The following PLCL2 variants were observed in gnomAD, a reference collection of about 807,000 sequenced individuals.
PLCL2 encodes inactive phospholipase C-like protein 2.
PLCL2 carries 4 observed loss-of-function variants against 79.6 expected under a neutral mutation model. That is an observed-to-expected ratio of 0.05 (90% CI 0.02 to 0.11). The LOEUF (loss-of-function observed/expected upper bound fraction) is 0.11. Among genes scored for constraint, PLCL2 ranks in the 10% least tolerant of loss-of-function variants. PLCL2 has a pLI of 1.00. For synonymous variants in PLCL2, 484 were observed against 457.7 expected (o/e 1.06, Z -0.73); for missense variants, 895 against 1,291.0 (o/e 0.69, Z 4.70).
intron 1 of PLCL2, among the ~76,000 whole-genome samples, chr3:16,925,591 C>T (rs2124938485): frequency 6.6e-6 from 1 of 152,340 alleles, no homozygotes; most frequent in East Asian, 1.9e-4. Flanking sequence ...CTGAATTTGC[C>T]TTCCCTAAAC....
At chr3:17,080,825 A>G (rs893710805) in intron 5 of PLCL2, among the ~76,000 whole-genome samples, 1 of 152,196 alleles carries the variant, frequency 6.6e-6, no homozygotes, top group Admixed American at 6.5e-5. Flanking sequence ...GCTTTTAATC[A>G]CAGGAAGAGT....
At chr3:17,072,008 G>A (rs2065064920) in intron 5 of PLCL2, among the ~76,000 whole-genome samples, 3 of 152,006 alleles carry the variant, frequency 2.0e-5, no homozygotes, top group African/African-American at 7.3e-5. Flanking sequence ...TGTATGTTTA[G>A]TAGAGACAGG....
intron 2 of PLCL2, 55 bp from the exon 3 acceptor site, chr3:17,014,653 T>A: frequency 1.5e-6 from 2 of 1,324,456 alleles, no homozygotes; most frequent in South Asian, 2.4e-5. Flanking sequence ...ATAATATCCA[T>A]GAGAAAGTAA....
At chr3:16,996,661 G>A (rs1297433484) in intron 1 of PLCL2, among the ~76,000 whole-genome samples, 4 of 151,632 alleles carry the variant, frequency 2.6e-5, no homozygotes, top group Admixed American at 2.0e-4. Flanking sequence ...ATATGGTAGA[G>A]ACCCAATTTA....
At chr3:17,044,590 GCT>G (rs1461980754) in intron 4 of PLCL2, among the ~76,000 whole-genome samples, 1 of 152,260 alleles carries the variant, frequency 6.6e-6, no homozygotes, top group East Asian at 1.9e-4. Context: ...ATATCAAGCT[GCT>G]CTCTGTATCT....
intron 1 of PLCL2, among the ~76,000 whole-genome samples, chr3:16,903,812 C>G (rs1264052480): frequency 1.3e-5 from 2 of 152,328 alleles, no homozygotes; most frequent in Non-Finnish European, 2.9e-5. Context: ...GAAGCAGTTT[C>G]TGGAACATGG....
At chr3:16,910,802 C>T (rs1575524326) in intron 1 of PLCL2, among the ~76,000 whole-genome samples, 1 of 152,050 alleles carries the variant, frequency 6.6e-6, no homozygotes, top group South Asian at 2.1e-4. Context: ...AGCCTTCTTT[C>T]TTAGTTTGAT....
intron 5 of PLCL2, among the ~76,000 whole-genome samples, chr3:17,081,729 GATCCAATCCCAGGTA>G (rs2065164129): frequency 6.6e-6 from 1 of 152,170 alleles, no homozygotes; most frequent in Admixed American, 6.5e-5. Context: ...TCTGGCCTCT[GATCCAATCCCAGGTA>G]AGCCACAGGC....
chr3:16,916,516 A>C (rs1241981988), intron 1 of PLCL2, among the ~76,000 whole-genome samples: 1 of 152,206 alleles, frequency 6.6e-6, no homozygotes, highest in Non-Finnish European at 1.5e-5. Flanking sequence ...ATTTGAGTTC[A>C]ATATTGCCAA....
At chr3:16,924,117 CA>C (rs1227654979) in intron 1 of PLCL2, among the ~76,000 whole-genome samples, 1 of 152,150 alleles carries the variant, frequency 6.6e-6, no homozygotes, top group Non-Finnish European at 1.5e-5. Flanking sequence ...TGGGTTTCCT[CA>C]GGCAGTTTTT....
intron 1 of PLCL2, among the ~76,000 whole-genome samples, chr3:16,937,729 T>C (rs1697574567): frequency 6.6e-6 from 1 of 152,166 alleles, no homozygotes; most frequent in Admixed American, 6.5e-5. Context: ...TAGAAATTAG[T>C]GGTGTGTGTT....
intron 1 of PLCL2, among the ~76,000 whole-genome samples, chr3:16,941,691 T>C (rs2063548168): frequency 6.6e-6 from 1 of 152,228 alleles, no homozygotes; most frequent in South Asian, 2.1e-4. Context: ...TTGGCTGGGC[T>C]GAGGGCCCCT....
intron 1 of PLCL2, among the ~76,000 whole-genome samples, chr3:16,917,190 A>G (rs547576443): frequency 6.6e-6 from 1 of 152,100 alleles, no homozygotes; most frequent in Non-Finnish European, 1.5e-5. Context: ...CTTCCTTTCA[A>G]TTAGAGTCAT....
At chr3:17,083,867 C>G (rs767321567) in intron 5 of PLCL2, among the ~76,000 whole-genome samples, 1 of 152,106 alleles carries the variant, frequency 6.6e-6, no homozygotes, top group African/African-American at 2.4e-5. Flanking sequence ...AGAAACTCAA[C>G]TGGACATGTG....
intron 1 of PLCL2, among the ~76,000 whole-genome samples, chr3:16,890,427 ATTTAC>A (rs766260080): frequency 5.6e-4 from 86 of 152,234 alleles, no homozygotes; most frequent in South Asian, 3.3e-3. Flanking sequence ...CTAGAATGTT[ATTTAC>A]TTTATTTTTT....
chr3:17,043,580 G>C (rs1284193170), intron 4 of PLCL2, among the ~76,000 whole-genome samples: 1 of 151,558 alleles, frequency 6.6e-6, no homozygotes, highest in African/African-American at 2.4e-5. Flanking sequence ...CTGATTTTTT[G>C]AGTGTTGATT....
intron 5 of PLCL2, among the ~76,000 whole-genome samples, chr3:17,083,982 A>G (rs2065190203): frequency 6.6e-6 from 1 of 152,228 alleles, no homozygotes; most frequent in African/African-American, 2.4e-5. Flanking sequence ...AAATACATAG[A>G]GAAAAATCAG....
intron 5 of PLCL2, among the ~76,000 whole-genome samples, chr3:17,086,255 G>A (rs1272284107): frequency 1.3e-5 from 2 of 152,176 alleles, no homozygotes; most frequent in Non-Finnish European, 2.9e-5. Flanking sequence ...AGCAGAACAG[G>A]ATAGAAGAGC....
intron 2 of PLCL2, 120 bp downstream of exon 2, chr3:17,012,280 G>T (rs2064334560): frequency 6.8e-6 from 6 of 876,266 alleles, no homozygotes; most frequent in Non-Finnish European, 8.2e-6. Flanking sequence ...ATTCTGATTA[G>T]TTCTTAGAAT....
Sources: gnomAD v4.1 joint callset for allele counts (sites outside exome capture counted in the v4.1 genomes callset) on GRCh38, gnomAD v4.1.1 for gene constraint, MANE v1.5 for transcripts, NCBI Gene and HGNC (gene_info 2026-07-23, HGNC 2026-07-21) for gene names.